PDE4D: variants seen among roughly 807,000 people sequenced by gnomAD.
PDE4D encodes phosphodiesterase 4D.
A neutral mutation model predicts 87.4 loss-of-function variants in PDE4D; 24 were observed. The observed-to-expected ratio is 0.27, with a 90% CI of 0.20 to 0.39. The LOEUF (loss-of-function observed/expected upper bound fraction) is 0.39, where lower values mean the gene tolerates loss of function less well. Ranked by LOEUF, PDE4D falls within the 10% of genes least tolerant of loss-of-function variation. The pLI, the probability that PDE4D is intolerant of heterozygous loss-of-function variation, is 1.00. For synonymous variants in PDE4D, 384 were observed against 383.2 expected (o/e 1.00, Z -0.02); for missense variants, 714 against 1,041.0 (o/e 0.69, Z 4.32).
chr5:59,681,900 CAAAA>C (rs11266968), intron 1 of PDE4D, among the ~76,000 whole-genome samples: 2 of 96,436 alleles, frequency 2.1e-5, no homozygotes, highest in Non-Finnish European at 4.1e-5. Flanking sequence ...GACTCTGTCT[CAAAA>C]AAAAAAAAAA....
chr5:59,637,688 G>A (rs1740820164), intron 1 of PDE4D, among the ~76,000 whole-genome samples: 1 of 152,122 alleles, frequency 6.6e-6, no homozygotes, highest in South Asian at 2.1e-4. Context: ...ACTCATAAGT[G>A]GGAGTTGAAC....
intron 2 of PDE4D, among the ~76,000 whole-genome samples, chr5:60,049,678 A>C (rs1350059234): frequency 1.3e-5 from 2 of 152,280 alleles, no homozygotes; most frequent in African/African-American, 4.8e-5. Context: ...TAGGCTGCTC[A>C]GGGGTCAGGG....
At chr5:60,323,995 G>A (rs959718717) in intron 1 of PDE4D, among the ~76,000 whole-genome samples, 9 of 151,962 alleles carry the variant, frequency 5.9e-5, no homozygotes, top group African/African-American at 1.9e-4. Context: ...TGTCTTTGAC[G>A]GTGCTTGTCA....
chr5:59,868,412 GTA>G (rs1747356772), intron 1 of PDE4D, among the ~76,000 whole-genome samples: 1 of 152,076 alleles, frequency 6.6e-6, no homozygotes, highest in African/African-American at 2.4e-5. Context: ...GCATCACATT[GTA>G]TAGCTTCTGG....
intron 2 of PDE4D, among the ~76,000 whole-genome samples, chr5:60,048,994 C>T (rs888324860): frequency 2.0e-5 from 3 of 152,184 alleles, no homozygotes; most frequent in East Asian, 1.9e-4. Flanking sequence ...CCGTCACTTT[C>T]AGGTACACCA....
chr5:59,187,722 G>C (rs961670577), intron 3 of PDE4D, among the ~76,000 whole-genome samples: 1 of 152,084 alleles, frequency 6.6e-6, no homozygotes, highest in Non-Finnish European at 1.5e-5. Flanking sequence ...ATCTTGTAGA[G>C]AAATTATTTC....
chr5:60,044,143 A>T (rs1768873950), intron 2 of PDE4D, among the ~76,000 whole-genome samples: 1 of 152,040 alleles, frequency 6.6e-6, no homozygotes, highest in Admixed American at 6.6e-5. Flanking sequence ...CAAATAGCTA[A>T]AAGAGGAGAA....
At position 59,715,777 on chromosome 5, in the gene PDE4D, G is replaced by A. The variant is rs534810424; in HGVS notation, c.455+177391C>T. 2.0e-5 allele frequency among the ~76,000 whole-genome samples: 3 copies of A among 152,308 alleles called. No individual in the cohort carries two copies. In the South Asian group the frequency reaches 6.2e-4, roughly 32 times the overall value. ...GTTGCATGCCCCAATGCCCCTAAAG[G>A]TAGGGAAATAAAAACCTGGCTTAAT... On this transcript the variant is annotated intron_variant, in intron 1 of 14. Coordinates refer to ENST00000340635, the MANE Select transcript of PDE4D (RefSeq NM_001104631.2).
Position 59,396,179 on chromosome 5 carries a change from T to C in PDE4D, c.456-180211A>G, listed in dbSNP as rs371876938. Among the ~76,000 whole-genome samples the C allele has an allele frequency of 3.7e-3, 433 of 117,614 alleles. 57 individuals carry two copies. The highest frequency in any genetic ancestry group is 5.6e-3 in the Non-Finnish European group (312 of 55,916). 77.2% of individuals were successfully genotyped at this position (117,614 alleles called of 152,430 possible). The stretch of plus-strand genomic sequence containing the variant: ...CTCTGCAGGATATTATCCAGGAGAA[T>C]TTCCCCAATCTAGCAAGGCAGGCCA... On this transcript the variant is annotated intron_variant, in intron 1 of 14. Transcript: ENST00000340635.
chr5:59,137,718 G>A (rs749275588), intron 5 of PDE4D, among the ~76,000 whole-genome samples: 5 of 152,082 alleles, frequency 3.3e-5, no homozygotes, highest in Non-Finnish European at 7.4e-5. Context: ...AGTAGAGACA[G>A]GGTTTCACCG....
intron 1 of PDE4D, chr5:59,356,934 G>A: frequency 7.1e-7 from 1 of 1,408,878 alleles, no homozygotes; most frequent in South Asian, 1.7e-5. Context: ...GCACGGAGCA[G>A]GAGGCACTTG....
At chr5:59,798,873 A>G (rs1020174745) in intron 1 of PDE4D, among the ~76,000 whole-genome samples, 1 of 152,108 alleles carries the variant, frequency 6.6e-6, no homozygotes, top group African/African-American at 2.4e-5. Flanking sequence ...AGAGATGATG[A>G]CAGCTACTGT....
chr5:59,791,911 C>A (rs532555754), intron 1 of PDE4D, among the ~76,000 whole-genome samples: 15 of 152,176 alleles, frequency 9.9e-5, no homozygotes, highest in African/African-American at 3.4e-4. Flanking sequence ...TGAGACAAAA[C>A]GAGAGAATGT....
chr5:59,878,847 A>T (rs563268473), intron 1 of PDE4D, among the ~76,000 whole-genome samples: 91 of 139,248 alleles, frequency 6.5e-4, no homozygotes, highest in African/African-American at 2.5e-3. Flanking sequence ...CACACCTTTA[A>T]TTTCTTCCCA....
At chr5:59,703,370 T>A (rs1050271730) in intron 1 of PDE4D, among the ~76,000 whole-genome samples, 3 of 152,178 alleles carry the variant, frequency 2.0e-5, no homozygotes, top group Non-Finnish European at 4.4e-5. Context: ...ATATCCTTGG[T>A]GACTTTCAGA....
intron 6 of PDE4D, among the ~76,000 whole-genome samples, chr5:59,026,398 T>C (rs796769803): frequency 2.0e-5 from 3 of 152,302 alleles, no homozygotes; most frequent in African/African-American, 7.2e-5. Flanking sequence ...CATCTACCAA[T>C]ACAAGGTAAA....
intron 1 of PDE4D, among the ~76,000 whole-genome samples, chr5:59,533,763 C>A (rs1814648561): frequency 6.6e-6 from 1 of 152,120 alleles, no homozygotes; most frequent in African/African-American, 2.4e-5. Context: ...GGGGAAGGGG[C>A]CTGGTAATGT....
At chr5:59,326,159 CT>C (rs1235191403) in intron 1 of PDE4D, among the ~76,000 whole-genome samples, 1 of 151,828 alleles carries the variant, frequency 6.6e-6, no homozygotes, top group Non-Finnish European at 1.5e-5. Flanking sequence ...GGAGATATAC[CT>C]AATGCTAGAT....
At chr5:60,132,811 C>G (rs192580588) in intron 2 of PDE4D, among the ~76,000 whole-genome samples, 18 of 151,942 alleles carry the variant, frequency 1.2e-4, no homozygotes, top group Admixed American at 3.9e-4. Context: ...GAGCCGAGAT[C>G]GCACCACTGC....
Sources: gnomAD v4.1 joint callset for allele counts (sites outside exome capture counted in the v4.1 genomes callset) on GRCh38, gnomAD v4.1.1 for gene constraint, MANE v1.5 for transcripts, NCBI Gene and HGNC (gene_info 2026-07-23, HGNC 2026-07-21) for gene names.